Variants in SPTBN2 observed in about 807,000 individuals in gnomAD.
SPTBN2 encodes the protein spectrin beta chain, non-erythrocytic 2.
SPTBN2 carries 107 observed loss-of-function variants against 284.2 expected under a neutral mutation model. The observed-to-expected ratio is 0.38, with a 90% CI of 0.32 to 0.44. The LOEUF (loss-of-function observed/expected upper bound fraction) is 0.44, where lower values mean the gene tolerates loss of function less well. SPTBN2 is among the 20% of genes least tolerant of loss of function. The pLI is 1.00. For missense variants in SPTBN2, 2,569 were observed against 3,287.1 expected, an observed-to-expected ratio of 0.78 and a Z score of 5.34; for synonymous variants, 1,289 against 1,354.8, an observed-to-expected ratio of 0.95 and a Z score of 1.07.
At chr11:66,689,353 CA>C in intron 29 of SPTBN2, 173 bp from the exon 30 acceptor site, 1 of 659,242 alleles carries the variant, frequency 1.5e-6, no homozygotes, top group South Asian at 1.9e-5. Flanking sequence ...CAGCTCACTG[CA>C]ACCTCCACCT....
intron 36 of SPTBN2, chr11:66,686,642 G>C (rs1045471935): frequency 3.0e-6 from 2 of 676,734 alleles, no homozygotes; most frequent in African/African-American, 3.6e-5. Context: ...CCAGAGGCAG[G>C]GGGAGCTCAC....
At chr11:66,706,632 C>CCTT (rs1289451004) in intron 13 of SPTBN2, among the ~76,000 whole-genome samples, 5 of 133,410 alleles carry the variant, frequency 3.7e-5, no homozygotes, top group African/African-American at 1.1e-4. Context: ...TGCCTAGCTG[C>CCTT]TTTTTTTTTT....
intron 1 of SPTBN2, among the ~76,000 whole-genome samples, chr11:66,738,421 C>CT (rs1476608595): frequency 1.2e-4 from 19 of 152,322 alleles, no homozygotes; most frequent in African/African-American, 3.6e-4. Flanking sequence ...ATCCCATAGT[C>CT]TCTTTCCAAT....
At chr11:66,709,643 T>A (rs1312255864) in intron 10 of SPTBN2, among the ~76,000 whole-genome samples, 2 of 152,244 alleles carry the variant, frequency 1.3e-5, no homozygotes, top group Non-Finnish European at 2.9e-5. Context: ...CTTTGTTTAA[T>A]GTCCAGAAGA....
In SPTBN2 at chr11:66,707,502, C is replaced by T. The variant is rs373412651; in HGVS notation, c.1653+14G>A. ...TTGATCACTCTTACCCCACCCAGCA[C>T]GCCTCACTGGTACCTTCATCTCTTC... On this transcript the variant is annotated intron_variant, in intron 13 of 37. Transcript: ENST00000533211. The surrounding 1 kb of genome is among the most constrained non-coding windows in gnomAD (Gnocchi z 4.9). The T allele has an allele frequency of 2.2e-5, 35 of 1,588,668 alleles. 1 individual carries two copies. The highest frequency in any genetic ancestry group is 9.4e-5 in the African/African-American group (7 of 74,586).
In SPTBN2 at chr11:66,685,323, G is replaced by A. The variant is rs1052131034; in HGVS notation, c.*548C>T. On this transcript the variant is annotated 3_prime_UTR_variant, in exon 38 of 38. Transcript: ENST00000533211. The surrounding 1 kb of genome is among the most constrained non-coding windows in gnomAD (Gnocchi z 4.4). ...TGGCTGTCCCCGAACAACACACCTG[G>A]AAGCCATTGAGAGCAGCTGGAGATG... 1.2e-5 allele frequency: 2 copies of A among 166,406 alleles called. No individual in the cohort carries two copies. Among genetic ancestry groups the A allele is most frequent in the African/African-American group, 5.0e-5 (2 of 40,010 alleles). 10.3% of individuals were successfully genotyped at this position (166,406 alleles called of 1,614,324 possible). A position where few individuals can be genotyped will look rare whatever the true frequency, so the allele number is the denominator to read the frequency against.
chr11:66,697,112 G>A (rs917870690), intron 20 of SPTBN2, among the ~76,000 whole-genome samples: 10 of 152,122 alleles, frequency 6.6e-5, no homozygotes, highest in African/African-American at 2.2e-4. Flanking sequence ...TCCTTGTGCC[G>A]TGGCTGTGAG....
In SPTBN2 at chr11:66,715,547, A is replaced by T; in HGVS notation, c.310-152T>A. ...CAGGGCTGGAGCCAAAGCTGAGCTT[A>T]CAGATGAGGCTTGGGCAGATTAAGA... On this transcript the variant is annotated intron_variant, in intron 4 of 37. Transcript: ENST00000533211. This position sits in a 1 kb window ranked among gnomAD's most constrained non-coding sequence, Gnocchi z 5.3. The T allele has an allele frequency of 1.8e-6, 2 of 1,141,268 alleles. No homozygotes were observed. The allele number at this position is 1,141,268 out of a possible 1,614,324, so 70.7% of individuals were successfully genotyped here. A position where few individuals can be genotyped will look rare whatever the true frequency, so the allele number is the denominator to read the frequency against.
At chr11:66,737,939 G>A (rs1381245087) in intron 1 of SPTBN2, among the ~76,000 whole-genome samples, 1 of 152,156 alleles carries the variant, frequency 6.6e-6, no homozygotes, top group Admixed American at 6.5e-5. Context: ...TTTAGGCCGG[G>A]TACGGTGGCT....
In SPTBN2 at chr11:66,687,213, A is replaced by C. The variant is rs1279680641; in HGVS notation, c.6723-46T>G. 2.5e-6 allele frequency: 4 copies of C among 1,609,662 alleles called. No individual in the cohort carries two copies. Among genetic ancestry groups the C allele is most frequent in the Non-Finnish European group, 3.4e-6 (4 of 1,179,244 alleles). On this transcript the variant is annotated intron_variant, in intron 35 of 37. Coordinates refer to ENST00000533211, the MANE Select transcript of SPTBN2 (RefSeq NM_006946.4). The surrounding 1 kb of genome is among the most constrained non-coding windows in gnomAD (Gnocchi z 5.2). The stretch of plus-strand genomic sequence containing the variant: ...ACTGGCCGGCCTCAGTGGCGCCCGC[A>C]ACCTGGAGCCCTCTTGGGTGTCCTA...
At chr11:66,719,060 G>A (rs1195459749) in intron 3 of SPTBN2, among the ~76,000 whole-genome samples, 1 of 152,272 alleles carries the variant, frequency 6.6e-6, no homozygotes, top group Non-Finnish European at 1.5e-5. Flanking sequence ...AACAGCGAGG[G>A]CGACCCCTCT....
chr11:66,734,068 A>G (rs941874570), upstream of SPTBN2, among the ~76,000 whole-genome samples: 15 of 151,362 alleles, frequency 9.9e-5, no homozygotes, highest in African/African-American at 3.4e-4. Flanking sequence ...TCCTCTTGGC[A>G]GCAATTGACT....
In SPTBN2 at chr11:66,685,811, G is replaced by A. The variant is rs950286035; in HGVS notation, c.*60C>T. On this transcript the variant is annotated 3_prime_UTR_variant, in exon 38 of 38. Coordinates refer to ENST00000533211, the MANE Select transcript of SPTBN2 (RefSeq NM_006946.4). This position sits in a 1 kb window ranked among gnomAD's most constrained non-coding sequence, Gnocchi z 4.4. Reference sequence around the variant, plus strand: ...TCCTGACAAGAGGGCGGTCCCTGTCGACTGTCCCTGGCAGTTTCCTGAACG... The same window carrying A: ...TCCTGACAAGAGGGCGGTCCCTGTCAACTGTCCCTGGCAGTTTCCTGAACG... 12 of 1,539,032 alleles carry A rather than the reference G, an allele frequency of 7.8e-6. No homozygotes were observed. The highest frequency in any genetic ancestry group is 3.4e-5 in the South Asian group (3 of 88,954).
At chr11:66,737,300 TA>T (rs1175042656) in intron 1 of SPTBN2, among the ~76,000 whole-genome samples, 4 of 152,216 alleles carry the variant, frequency 2.6e-5, no homozygotes, top group African/African-American at 9.6e-5. Context: ...AACTTCTCAG[TA>T]TGTCTAAAAT....
intron 37 of SPTBN2, 124 bp from the exon 38 acceptor site, chr11:66,686,228 ATGTGGCCGGCTTAGACAGGGAG>A (rs758496435): frequency 7.2e-7 from 1 of 1,379,742 alleles, no homozygotes; most frequent in South Asian, 1.2e-5. Flanking sequence ...TATTAGGAGA[ATGTGGCCGGCTTAGACAGGGAG>A]TGCGGCCTGG....
Position 66,708,361 on chromosome 11 carries a change from G to A in SPTBN2, c.1192-62C>T. 1.4e-6 allele frequency: 2 copies of A among 1,471,526 alleles called. No individual in the cohort carries two copies. The highest frequency in any genetic ancestry group is 1.8e-6 in the Non-Finnish European group (2 of 1,098,286). The allele number at this position is 1,471,526 out of a possible 1,614,324, so 91.2% of individuals were successfully genotyped here. A position where few individuals can be genotyped will look rare whatever the true frequency, so the allele number is the denominator to read the frequency against. On this transcript the variant is annotated intron_variant, in intron 11 of 37. Coordinates refer to ENST00000533211, the MANE Select transcript of SPTBN2 (RefSeq NM_006946.4). This position sits in a 1 kb window ranked among gnomAD's most constrained non-coding sequence, Gnocchi z 4.4. ...GTGGGGAGGGCTCAGTGGGGCTGGA[G>A]GCACATGGTAAGTCCCATGGAAGCT...
At chr11:66,712,541 C>T (rs774511087) in intron 8 of SPTBN2, among the ~76,000 whole-genome samples, 21 of 141,188 alleles carry the variant, frequency 1.5e-4, no homozygotes, top group Non-Finnish European at 2.6e-4. Context: ...AGTGAGACTC[C>T]GTCTCAAAAA....
chr11:66,737,040 T>A (rs928438776), intron 1 of SPTBN2, among the ~76,000 whole-genome samples: 1 of 152,148 alleles, frequency 6.6e-6, no homozygotes, highest in Non-Finnish European at 1.5e-5. Flanking sequence ...CAGAAGGAAG[T>A]TGTGATGAGA....
chr11:66,708,043 T>C lies in SPTBN2; in HGVS notation c.1350+98A>G. The C allele has an allele frequency of 1.3e-6, 2 of 1,577,998 alleles. No homozygotes were observed. Among genetic ancestry groups the C allele is most frequent in the Non-Finnish European group, 1.7e-6 (2 of 1,150,932 alleles). On this transcript the variant is annotated intron_variant, in intron 12 of 37. Coordinates refer to ENST00000533211, the MANE Select transcript of SPTBN2 (RefSeq NM_006946.4). The surrounding 1 kb of genome is among the most constrained non-coding windows in gnomAD (Gnocchi z 4.4). Reference sequence around the variant, plus strand: ...GCCTTTTTACCCAGGTGACGGATTTTGTGTTTCATTGTCTCTCCACCCCGC... The same window carrying C: ...GCCTTTTTACCCAGGTGACGGATTTCGTGTTTCATTGTCTCTCCACCCCGC...
Sources: allele counts gnomAD v4.1 joint callset (sites outside exome capture counted in the v4.1 genomes callset), GRCh38; gene constraint gnomAD v4.1.1; non-coding constraint Gnocchi (gnomAD v3.1); transcripts MANE v1.5; gene names NCBI Gene and HGNC (gene_info 2026-07-23, HGNC 2026-07-21).